Variants in DHRS4L2 observed in about 807,000 individuals in gnomAD.
The protein encoded by DHRS4L2 is dehydrogenase/reductase 4 like 2.
DHRS4L2 carries 22 observed loss-of-function variants against 23.9 expected under a neutral mutation model. The observed-to-expected ratio is 0.92, with a 90% CI of 0.66 to 1.31. The LOEUF (loss-of-function observed/expected upper bound fraction) is 1.31, where lower values mean the gene tolerates loss of function less well. DHRS4L2 is among the 40% of genes most tolerant of loss of function. DHRS4L2 has a pLI of 0.00. For missense variants in DHRS4L2, 385 were observed against 303.3 expected (o/e 1.27, Z -2.00); for synonymous variants, 141 against 123.7 (o/e 1.14, Z -0.93).
intron 1 of DHRS4L2, among the ~76,000 whole-genome samples, chr14:23,971,527 AC>A (rs1368017248): frequency 6.6e-6 from 1 of 152,054 alleles, no homozygotes; most frequent in Non-Finnish European, 1.5e-5. Flanking sequence ...GAGAAGAGCA[AC>A]CCCAAGACAC....
At chr14:24,004,258 G>A (rs1213072371) in intron 6 of DHRS4L2, 79 bp from the exon 7 acceptor site, 1 of 1,411,842 alleles carries the variant, frequency 7.1e-7, no homozygotes, top group Non-Finnish European at 9.1e-7. Context: ...AAAAGAGCAA[G>A]ACTCCGTCTC....
intron 2 of DHRS4L2, among the ~76,000 whole-genome samples, chr14:23,993,832 T>G (rs1485707693): frequency 6.6e-6 from 1 of 151,676 alleles, no homozygotes; most frequent in Non-Finnish European, 1.5e-5. Context: ...ATGGCTCTCC[T>G]GGGCAGCTGG....
chr14:24,004,610 A>G (rs2034539133), intron 7 of DHRS4L2: 1 of 789,044 alleles, frequency 1.3e-6, no homozygotes, highest in Admixed American at 2.1e-5. Context: ...GGGTTTCAGC[A>G]GTGCAGAGGT....
chr14:23,993,505 T>C (rs1426026003), intron 2 of DHRS4L2, among the ~76,000 whole-genome samples: 1 of 151,602 alleles, frequency 6.6e-6, no homozygotes. Flanking sequence ...AGGGCCCACA[T>C]ACTGCAACTT....
chr14:23,989,324 C>A (rs1197062371), intron 1 of DHRS4L2, among the ~76,000 whole-genome samples: 1 of 151,720 alleles, frequency 6.6e-6, no homozygotes, highest in Non-Finnish European at 1.5e-5. Context: ...GATCTAGTCC[C>A]CCCAGTGTTC....
At chr14:23,986,518 AAAGAAAG>A (rs2034144007), upstream of DHRS4L2, among the ~76,000 whole-genome samples, 1 of 149,662 alleles carries the variant, frequency 6.7e-6, no homozygotes, top group African/African-American at 2.4e-5. Context: ...AAAAAAAAAA[AAAGAAAG>A]AAAGAAAGAA....
At chr14:24,004,201 G>T in intron 6 of DHRS4L2, 136 bp from the exon 7 acceptor site, 1 of 873,428 alleles carries the variant, frequency 1.1e-6, no homozygotes, top group South Asian at 1.9e-5. Context: ...CCCGGGAGGC[G>T]GAGTTTGCAG....
chr14:23,984,915 C>T (rs1176807004), upstream of DHRS4L2, among the ~76,000 whole-genome samples: 1 of 150,670 alleles, frequency 6.6e-6, no homozygotes, highest in African/African-American at 2.4e-5. Context: ...AAGAAGGGGT[C>T]AGGGGGCTCA....
In DHRS4L2 at chr14:23,994,781, A is replaced by T. The variant is rs551002732; in HGVS notation, c.307-251A>T. ...AAGAAATAGAAGTTATTTTGACAATAGTTCTTAAGAATGAAGCTTTTGTTG... is the reference window on the plus strand; with the variant it reads ...AAGAAATAGAAGTTATTTTGACAATTGTTCTTAAGAATGAAGCTTTTGTTG... On this transcript the variant is annotated intron_variant, in intron 2 of 7. Coordinates refer to ENST00000335125, the MANE Select transcript of DHRS4L2 (RefSeq NM_198083.4). 1.8e-3 allele frequency among the ~76,000 whole-genome samples: 279 copies of T among 151,790 alleles called. 4 individuals are homozygous for T. The highest frequency in any genetic ancestry group is 3.3e-3 in the Non-Finnish European group (227 of 67,868).
intron 1 of DHRS4L2, among the ~76,000 whole-genome samples, chr14:23,975,373 G>A (rs1379078584): frequency 6.6e-6 from 1 of 151,634 alleles, no homozygotes; most frequent in African/African-American, 2.4e-5. Context: ...CAACTTACAA[G>A]GGATGTGAAG....
chr14:23,991,665 G>C (rs1444346992), intron 2 of DHRS4L2, among the ~76,000 whole-genome samples: 2 of 151,480 alleles, frequency 1.3e-5, no homozygotes, highest in African/African-American at 4.8e-5. Context: ...GTCCACAGTG[G>C]AGAGCACAGG....
intron 6 of DHRS4L2, 23 bp from the exon 7 acceptor site, chr14:24,004,314 A>G: frequency 6.4e-7 from 1 of 1,573,926 alleles, no homozygotes; most frequent in East Asian, 2.3e-5. Flanking sequence ...AAAAACATAA[A>G]GAGATTTCCC....
upstream of DHRS4L2, among the ~76,000 whole-genome samples, chr14:23,988,569 G>A (rs1454462338): frequency 6.6e-6 from 1 of 151,386 alleles, no homozygotes; most frequent in Non-Finnish European, 1.5e-5. Flanking sequence ...GAATTCTGAA[G>A]AAGCAAAAGC....
chr14:23,998,686 T>A (rs140791113), intron 3 of DHRS4L2, among the ~76,000 whole-genome samples: 128 of 151,986 alleles, frequency 8.4e-4, no homozygotes, highest in African/African-American at 2.7e-3. Context: ...AGGGCCTTTT[T>A]CTGATTAGGC....
upstream of DHRS4L2, among the ~76,000 whole-genome samples, chr14:23,985,629 C>A (rs948097590): frequency 5.3e-5 from 8 of 151,730 alleles, no homozygotes; most frequent in East Asian, 3.8e-4. Flanking sequence ...CATACAAGAA[C>A]AATCCCATTG....
chr14:23,994,046 A>G (rs1308745826), intron 2 of DHRS4L2, among the ~76,000 whole-genome samples: 1 of 151,734 alleles, frequency 6.6e-6, no homozygotes, highest in Non-Finnish European at 1.5e-5. Context: ...AGATCTTGAG[A>G]AAATTCTCTG....
intron 3 of DHRS4L2, 99 bp from the exon 4 acceptor site, chr14:24,000,764 C>T (rs2034469917): frequency 2.1e-5 from 22 of 1,053,964 alleles, no homozygotes; most frequent in Non-Finnish European, 3.0e-5. Flanking sequence ...TTCGTCAGCT[C>T]TGACAAACAT....
At chr14:23,976,363 A>C (rs1318253829) in intron 1 of DHRS4L2, among the ~76,000 whole-genome samples, 1 of 151,998 alleles carries the variant, frequency 6.6e-6, no homozygotes, top group Non-Finnish European at 1.5e-5. Context: ...AATGCTCATC[A>C]TCACTGGTCA....
At chr14:23,975,755 A>G (rs533497115) in intron 1 of DHRS4L2, among the ~76,000 whole-genome samples, 2 of 151,918 alleles carry the variant, frequency 1.3e-5, no homozygotes, top group Admixed American at 1.3e-4. Flanking sequence ...AACAGAACAG[A>G]GGCCTCAGAA....
Sources: gnomAD v4.1 joint callset for allele counts (sites outside exome capture counted in the v4.1 genomes callset) on GRCh38, gnomAD v4.1.1 for gene constraint, MANE v1.5 for transcripts, NCBI Gene and HGNC (gene_info 2026-07-23, HGNC 2026-07-21) for gene names.